The following PCDHA5 variants were observed in gnomAD, a reference collection of about 807,000 sequenced individuals.
The protein encoded by PCDHA5 is protocadherin alpha-5.
A neutral mutation model predicts 61.6 loss-of-function variants in PCDHA5; 43 were observed. That is an observed-to-expected ratio of 0.70 (90% confidence interval 0.55 to 0.90). The LOEUF is 0.90. Among genes scored for constraint, PCDHA5 ranks in the 40% least tolerant of loss-of-function variants. The pLI, the probability that PCDHA5 is intolerant of heterozygous loss-of-function variation, is 0.00. For missense variants in PCDHA5, 1,298 were observed against 1,222.7 expected, an observed-to-expected ratio of 1.06 and a Z score of -0.92; for synonymous variants, 627 against 543.9, an observed-to-expected ratio of 1.15 and a Z score of -2.13.
rs527332783 is a variant in PCDHA5, at chr5:140,855,952, A to G, written c.2352+31825A>G. Reference sequence around the variant, plus strand: ...TCATTCTGAGATCTCAGCCATTTCGATAAAAAATAGATATAAGAAATAGGA... The same window carrying G: ...TCATTCTGAGATCTCAGCCATTTCGGTAAAAAATAGATATAAGAAATAGGA... On this transcript the variant is annotated intron_variant, in intron 1 of 3. Transcript: ENST00000529859. The G allele has an allele frequency of 2.9e-6, 4 of 1,380,786 alleles. No individual in the cohort carries two copies. The African/African-American group carries it at 5.8e-5, about 20-fold the overall frequency. The allele number at this position is 1,380,786 out of a possible 1,614,324, so 85.5% of individuals were successfully genotyped here.
Position 140,842,826 on chromosome 5 carries a change from G to T in PCDHA5, c.2352+18699G>T, listed in dbSNP as rs782132633. On this transcript the variant is annotated intron_variant, in intron 1 of 3. Coordinates refer to ENST00000529859, the MANE Select transcript of PCDHA5 (RefSeq NM_018908.3). ...CTTGTGGAGCGGCGGGTGGGCGAGC[G>T]CTCGCTGTCGAGCTACATTTCGGTG... 3.8e-6 allele frequency: 6 copies of T among 1,593,690 alleles called. 1 individual carries two copies. The highest frequency in any genetic ancestry group is 5.1e-6 in the Non-Finnish European group (6 of 1,165,318).
intron 1 of PCDHA5, among the ~76,000 whole-genome samples, chr5:140,946,631 T>TATATATTATATATATATATATATATACAC (rs57893927): frequency 7.6e-6 from 1 of 131,846 alleles, no homozygotes; most frequent in African/African-American, 3.5e-5. Flanking sequence ...TATATATATA[T>TATATATTATATATATATATATATATACAC]ACAATGGAAT....
Position 140,822,017 on chromosome 5 carries a change from G to A in PCDHA5, c.242G>A (p.Gly81Asp). 5.0e-6 allele frequency: 8 copies of A among 1,614,172 alleles called. No homozygotes were observed. The highest frequency in any genetic ancestry group is 2.7e-5 in the African/African-American group (2 of 75,064). Residue 81 changes from glycine to aspartate, a missense_variant, in exon 1 of 4, where the codon GGC becomes GAC. Transcript: ENST00000529859. ...CTTCTGGAGGTAAATCTGCAGAATG[G>A]CATTTTGTTTGTGAATTCTCGGATC... ...GDLLEVNLQN[G>D]ILFVNSRIDR...
chr5:140,858,185 C>T, intron 1 of PCDHA5: 1 of 1,597,454 alleles, frequency 6.3e-7, no homozygotes, highest in South Asian at 1.1e-5. Flanking sequence ...GGTGCTCACG[C>T]TGCTGCTGTA....
At position 140,822,151 on chromosome 5, in the gene PCDHA5, A is replaced by C. The variant is rs2150114092; in HGVS notation, c.376A>C (p.Asn126His). The change falls in exon 1 of 4, where the codon AAT (asparagine) becomes CAT (histidine). Residue 126 changes from asparagine (N) to histidine (H), a missense_variant. By Grantham distance (68) the Asn-to-His change is moderately conservative (BLOSUM62 1). Transcript: ENST00000529859. ...FHVEVAVKDI[N>H]DNPPRFSRQE... is the part of the protein sequence containing the mutation. Reference sequence around the variant, plus strand: ...TGTGGAGGTGGCAGTGAAGGACATCAATGACAATCCGCCCAGGTTCTCCAG... The same window carrying C: ...TGTGGAGGTGGCAGTGAAGGACATCCATGACAATCCGCCCAGGTTCTCCAG... 5 of 1,614,248 alleles carry C rather than the reference A, an allele frequency of 3.1e-6. No homozygotes were observed. The highest frequency in any genetic ancestry group is 4.2e-6 in the Non-Finnish European group (5 of 1,180,038).
intron 1 of PCDHA5, chr5:140,857,764 G>C (rs552891884): frequency 2.5e-6 from 4 of 1,597,520 alleles, no homozygotes; most frequent in Non-Finnish European, 3.4e-6. Context: ...CTGGCAGCGC[G>C]GGCGGTGCAG....
At chr5:140,836,530 T>A (rs2150263016) in intron 1 of PCDHA5, 18 of 1,613,716 alleles carry the variant, frequency 1.1e-5, no homozygotes, top group African/African-American at 4.0e-5. Flanking sequence ...CTTACCCTGC[T>A]GCTGTACACG....
chr5:140,938,166 G>A (rs2091953104), intron 1 of PCDHA5, among the ~76,000 whole-genome samples: 2 of 151,980 alleles, frequency 1.3e-5, no homozygotes, highest in South Asian at 4.1e-4. Flanking sequence ...GGCTAGTCTG[G>A]AGCTCCTGGG....
At chr5:140,967,618 G>T in intron 1 of PCDHA5, 3 of 1,614,174 alleles carry the variant, frequency 1.9e-6, no homozygotes, top group Non-Finnish European at 2.5e-6. Context: ...CCTCAGACCC[G>T]GATGAGGGCT....
At position 140,845,518 on chromosome 5, in the gene PCDHA5, T is replaced by C. The variant is rs984046956; in HGVS notation, c.2352+21391T>C. On this transcript the variant is annotated intron_variant, in intron 1 of 3. Coordinates refer to ENST00000529859, the MANE Select transcript of PCDHA5 (RefSeq NM_018908.3). ...AAAGTCTAAACCTATTTCTTGTACATTAATACTTTTCACTATTCTAATTAT... is the reference window on the plus strand; with the variant it reads ...AAAGTCTAAACCTATTTCTTGTACACTAATACTTTTCACTATTCTAATTAT... Among the ~76,000 whole-genome samples the C allele has an allele frequency of 1.3e-5, 2 of 149,636 alleles. 1 individual carries two copies. The highest frequency in any genetic ancestry group is 3.0e-5 in the Non-Finnish European group (2 of 66,854).
intron 1 of PCDHA5, chr5:140,883,939 C>T (rs782266148): frequency 6.2e-7 from 1 of 1,613,422 alleles, no homozygotes; most frequent in Non-Finnish European, 8.5e-7. Context: ...TCGTGCTGGA[C>T]GAGAACGACA....
chr5:140,932,875 T>G (rs935730456), intron 1 of PCDHA5, among the ~76,000 whole-genome samples: 9 of 151,998 alleles, frequency 5.9e-5, no homozygotes, highest in African/African-American at 1.7e-4. Flanking sequence ...TTTGTTGTCT[T>G]CAATATTTTC....
chr5:140,857,491 G>A, intron 1 of PCDHA5: 2 of 1,598,340 alleles, frequency 1.3e-6, no homozygotes, highest in Non-Finnish European at 1.7e-6. Flanking sequence ...CGTGGGACGC[G>A]GACGCGCAGG....
In PCDHA5 at chr5:141,010,893, A is replaced by G. The variant is rs76323061; in HGVS notation, c.*956A>G. On this transcript the variant is annotated 3_prime_UTR_variant, in exon 4 of 4. Transcript: ENST00000529859. ...TAAATCTTTAAAGAGAAATATGAAT[A>G]CAATTCCCCTAAACTCTCCTCAAAA... is the stretch of plus-strand genomic sequence containing the variant. 0.018 allele frequency: 2,808 copies of G among 153,906 alleles called. 48 individuals are homozygous for G. The highest frequency in any genetic ancestry group is 0.029 in the Non-Finnish European group (1,995 of 68,040). 9.5% of individuals were successfully genotyped at this position (153,906 alleles called of 1,614,324 possible).
At chr5:140,929,316 C>A in intron 1 of PCDHA5, 1 of 1,556,954 alleles carries the variant, frequency 6.4e-7, no homozygotes, top group South Asian at 1.2e-5. Flanking sequence ...ACGCTAATGT[C>A]AATGCCATGG....
intron 1 of PCDHA5, among the ~76,000 whole-genome samples, chr5:140,905,575 G>A (rs1233481804): frequency 6.6e-6 from 1 of 152,138 alleles, no homozygotes; most frequent in Non-Finnish European, 1.5e-5. Flanking sequence ...TGTGAAGAAT[G>A]ATAATGATAT....
At chr5:140,838,152 C>G (rs1353802529) in intron 1 of PCDHA5, among the ~76,000 whole-genome samples, 3 of 150,110 alleles carry the variant, frequency 2.0e-5, no homozygotes, top group Non-Finnish European at 4.4e-5. Context: ...TTTACTCTGT[C>G]GCCCTCTCTG....
intron 1 of PCDHA5, chr5:140,869,287 C>G (rs782369184): frequency 6.2e-7 from 1 of 1,613,538 alleles, no homozygotes; most frequent in South Asian, 1.1e-5. Flanking sequence ...GCTGGTGCAG[C>G]GCCTGTTCCG....
At chr5:140,868,380 G>T (rs2050428157) in intron 1 of PCDHA5, 1 of 152,028 alleles carries the variant, frequency 6.6e-6, no homozygotes, top group South Asian at 2.1e-4. Context: ...AGTAAAGAAT[G>T]AGAACTATAG....
Sources: allele counts gnomAD v4.1 joint callset (sites outside exome capture counted in the v4.1 genomes callset), GRCh38; gene constraint gnomAD v4.1.1; transcripts MANE v1.5; gene names NCBI Gene and HGNC (gene_info 2026-07-23, HGNC 2026-07-21).